Variants in UXS1 observed in about 807,000 individuals in gnomAD.
The protein encoded by UXS1 is UDP-glucuronic acid decarboxylase 1.
UXS1 carries 33 observed loss-of-function variants against 62.6 expected under a neutral mutation model. The ratio of observed to expected loss-of-function variants is 0.53; its 90% confidence interval spans 0.40 to 0.70. The LOEUF (loss-of-function observed/expected upper bound fraction) is 0.70. Ranked by LOEUF, UXS1 falls within the 30% of genes least tolerant of loss-of-function variation. The pLI, the probability that UXS1 is intolerant of heterozygous loss-of-function variation, is 0.00. For missense variants in UXS1, 434 were observed against 556.3 expected (o/e 0.78, Z 2.21); for synonymous variants, 213 against 206.8 (o/e 1.03, Z -0.26).
intron 6 of UXS1, among the ~76,000 whole-genome samples, chr2:106,136,921 T>A (rs1221164505): frequency 4.8e-4 from 30 of 62,518 alleles, no homozygotes; most frequent in African/African-American, 1.8e-4. Flanking sequence ...ATAATAATAA[T>A]AAAAAAAGAA....
intron 6 of UXS1, among the ~76,000 whole-genome samples, chr2:106,139,856 C>T (rs1448435495): frequency 1.3e-5 from 2 of 152,098 alleles, no homozygotes; most frequent in East Asian, 1.9e-4. Context: ...ATAACTCACG[C>T]GATTATTTAG....
chr2:106,104,310 C>T (rs556625835), intron 11 of UXS1, among the ~76,000 whole-genome samples: 3 of 152,312 alleles, frequency 2.0e-5, no homozygotes, highest in Admixed American at 2.0e-4. Context: ...AAAATCACCA[C>T]GTGAATCTAT....
chr2:106,113,411 C>T (rs1385975714), intron 9 of UXS1, among the ~76,000 whole-genome samples: 1 of 152,178 alleles, frequency 6.6e-6, no homozygotes, highest in Non-Finnish European at 1.5e-5. Flanking sequence ...AAATAGTCAT[C>T]CCTCCTGTTC....
chr2:106,186,442 TTATA>T (rs932107417), intron 1 of UXS1, among the ~76,000 whole-genome samples: 1 of 147,510 alleles, frequency 6.8e-6, no homozygotes, highest in African/African-American at 2.5e-5. Flanking sequence ...CTCTGGGCTT[TTATA>T]TATATATATA....
chr2:106,129,715 T>A lies in UXS1; in HGVS notation c.536A>T (p.Lys179Met). 1 of 1,612,532 alleles carries A rather than the reference T, an allele frequency of 6.2e-7. No individual in the cohort carries two copies. The highest frequency in any genetic ancestry group is 8.5e-7 in the Non-Finnish European group (1 of 1,179,204). ...SPPNYMYNPI[K>M]TLKTNTIGTL... ...CCCAATCGTATTGGTCTTTAATGTC[T>A]TGATAGGATTATACATGTAGTTTGG... The change falls in exon 7 of 15, where the codon AAG (lysine) becomes ATG (methionine). Residue 179 changes from lysine (K) to methionine (M), a missense_variant. Transcript: ENST00000283148.
At chr2:106,153,320 C>T (rs1319787565) in intron 5 of UXS1, among the ~76,000 whole-genome samples, 1 of 152,204 alleles carries the variant, frequency 6.6e-6, no homozygotes, top group Non-Finnish European at 1.5e-5. Context: ...CTAGCAACCA[C>T]TGCAGCCTAA....
intron 11 of UXS1, among the ~76,000 whole-genome samples, chr2:106,104,012 C>T (rs2104850355): frequency 6.6e-6 from 1 of 152,250 alleles, no homozygotes; most frequent in East Asian, 1.9e-4. Flanking sequence ...CCTGGGATGG[C>T]CCTAAGACAG....
At position 106,093,933 on chromosome 2, in the gene UXS1, G is replaced by C; in HGVS notation, c.*93C>G. The C allele has an allele frequency of 6.9e-7, 1 of 1,445,420 alleles. No homozygotes were observed. The highest frequency in any genetic ancestry group is 9.1e-7 in the Non-Finnish European group (1 of 1,095,010). 89.5% of individuals were successfully genotyped at this position (1,445,420 alleles called of 1,614,324 possible). On this transcript the variant is annotated 3_prime_UTR_variant, in exon 15 of 15. Coordinates refer to ENST00000283148, the MANE Select transcript of UXS1 (RefSeq NM_001253875.2). ...TTCCAGTTTGTTCTTCATGACACCT[G>C]TTAAAGTCTTTCTTTAAACGACAAC... is the stretch of plus-strand genomic sequence containing the variant.
chr2:106,095,866 G>T (rs1573380072), intron 14 of UXS1, among the ~76,000 whole-genome samples: 1 of 152,236 alleles, frequency 6.6e-6, no homozygotes, highest in South Asian at 2.1e-4. Flanking sequence ...GGAGGAGCCT[G>T]CAGTCACCCA....
At chr2:106,168,849 A>G (rs1358548650) in intron 1 of UXS1, among the ~76,000 whole-genome samples, 3 of 152,228 alleles carry the variant, frequency 2.0e-5, no homozygotes, top group African/African-American at 7.2e-5. Flanking sequence ...ACGAAAAAGT[A>G]TATATACAGT....
At chr2:106,173,317 T>C (rs1402447838) in intron 1 of UXS1, among the ~76,000 whole-genome samples, 1 of 152,120 alleles carries the variant, frequency 6.6e-6, no homozygotes, top group Non-Finnish European at 1.5e-5. Context: ...ATCCCAGCAC[T>C]TTGGGAGTGT....
intron 7 of UXS1, among the ~76,000 whole-genome samples, chr2:106,128,909 T>G (rs1278715255): frequency 6.6e-6 from 1 of 152,212 alleles, no homozygotes; most frequent in Non-Finnish European, 1.5e-5. Flanking sequence ...TATTAAATGT[T>G]CCTATACTTA....
intron 3 of UXS1, 138 bp from the exon 4 acceptor site, chr2:106,163,848 T>C (rs1047635488): frequency 4.2e-6 from 2 of 477,462 alleles, no homozygotes; most frequent in African/African-American, 2.0e-5. Flanking sequence ...GAAATTAAGA[T>C]ACACCACTTG....
At chr2:106,146,880 T>TGCA (rs1163379187) in intron 5 of UXS1, among the ~76,000 whole-genome samples, 2 of 149,022 alleles carry the variant, frequency 1.3e-5, no homozygotes, top group Non-Finnish European at 3.0e-5. Context: ...TTGGGTTGGG[T>TGCA]GCAGTGGCTC....
chr2:106,171,697 G>A (rs1018497933), intron 1 of UXS1, among the ~76,000 whole-genome samples: 1 of 152,206 alleles, frequency 6.6e-6, no homozygotes, highest in Non-Finnish European at 1.5e-5. Context: ...AATGTTACAA[G>A]GCTGGATCAG....
At chr2:106,130,952 C>T (rs1223972442) in intron 6 of UXS1, among the ~76,000 whole-genome samples, 1 of 152,044 alleles carries the variant, frequency 6.6e-6, no homozygotes, top group African/African-American at 2.4e-5. Context: ...CCAGCGTGAG[C>T]GACGCAGAAG....
At chr2:106,160,535 A>T (rs987526431) in intron 4 of UXS1, 2 of 152,382 alleles carry the variant, frequency 1.3e-5, no homozygotes, top group African/African-American at 4.8e-5. Context: ...GCAGGGAGAA[A>T]ACCAATTCAG....
At chr2:106,125,143 AC>A (rs1679825572) in intron 8 of UXS1, among the ~76,000 whole-genome samples, 2 of 152,088 alleles carry the variant, frequency 1.3e-5, no homozygotes, top group Non-Finnish European at 2.9e-5. Context: ...TTCTGACACT[AC>A]CTGCTTAAGG....
intron 1 of UXS1, among the ~76,000 whole-genome samples, chr2:106,184,790 C>T (rs1409965700): frequency 6.6e-6 from 1 of 152,152 alleles, no homozygotes; most frequent in Non-Finnish European, 1.5e-5. Flanking sequence ...GATCACAGCA[C>T]TGGCCTGTAC....
Sources: gnomAD v4.1 joint callset for allele counts (sites outside exome capture counted in the v4.1 genomes callset) on GRCh38, gnomAD v4.1.1 for gene constraint, MANE v1.5 for transcripts, NCBI Gene and HGNC (gene_info 2026-07-23, HGNC 2026-07-21) for gene names.